Variants in FCHSD2 observed in about 807,000 individuals in gnomAD.
FCHSD2 encodes the protein FCH and double SH3 domains 2.
A neutral mutation model predicts 108.1 loss-of-function variants in FCHSD2; 38 were observed. The ratio of observed to expected loss-of-function variants is 0.35; its 90% CI spans 0.27 to 0.46. The LOEUF is 0.46. FCHSD2 is among the 20% of genes least tolerant of loss of function. FCHSD2 has a pLI of 1.00. For missense variants in FCHSD2, 751 were observed against 897.8 expected, an observed-to-expected ratio of 0.84 and a Z score of 2.09; for synonymous variants, 279 against 314.7, an observed-to-expected ratio of 0.89 and a Z score of 1.20.
At chr11:73,139,848 A>G (rs985974637) in intron 2 of FCHSD2, among the ~76,000 whole-genome samples, 183 bp downstream of exon 2, 2 of 152,212 alleles carry the variant, frequency 1.3e-5, no homozygotes, top group Admixed American at 6.5e-5. Context: ...TAGGTCCCCC[A>G]CTGAAGGAAA....
rs781543094 is a variant in FCHSD2, at chr11:72,984,208, G to C, written c.585C>G (p.Ala195=). 6.2e-7 allele frequency: 1 copy of C among 1,613,756 alleles called. No homozygotes were observed. Among genetic ancestry groups the C allele is most frequent in the Non-Finnish European group, 8.5e-7 (1 of 1,179,752 alleles). Residue 195 remains alanine, a synonymous_variant, in exon 8 of 20, where the codon GCC becomes GCG. Transcript: ENST00000409418. ...SLQKASVKLK[A]RRSECNSKAT... is the part of the protein sequence containing the mutation. ...CTTTGGAATTACACTCAGATCGCCG[G>C]GCTTTTAACTAAAACATAGCAAAAT... is the stretch of plus-strand genomic sequence containing the variant.
chr11:72,925,587 T>C (rs190180922), intron 8 of FCHSD2, among the ~76,000 whole-genome samples: 6 of 152,298 alleles, frequency 3.9e-5, no homozygotes, highest in Admixed American at 2.0e-4. Context: ...AAGAAGGAAT[T>C]TGTTGCCACG....
intron 3 of FCHSD2, among the ~76,000 whole-genome samples, chr11:73,061,801 A>G (rs887925132): frequency 1.3e-5 from 2 of 152,222 alleles, no homozygotes. Context: ...AAAAGGCAGC[A>G]GCCCCAGTCA....
intron 5 of FCHSD2, among the ~76,000 whole-genome samples, chr11:72,993,424 A>T (rs1371403893): frequency 6.6e-6 from 1 of 152,200 alleles, no homozygotes. Flanking sequence ...TACCCAAAGG[A>T]TTATAAATCA....
intron 3 of FCHSD2, among the ~76,000 whole-genome samples, chr11:73,029,653 T>C (rs1858312910): frequency 1.3e-5 from 2 of 152,164 alleles, no homozygotes; most frequent in Admixed American, 6.5e-5. Context: ...CCTTTCCCTA[T>C]TGCTACAAGC....
intron 13 of FCHSD2, among the ~76,000 whole-genome samples, chr11:72,860,706 G>A (rs1018862755): frequency 4.6e-5 from 7 of 152,004 alleles, no homozygotes; most frequent in African/African-American, 1.7e-4. Context: ...TTAGCTGGGC[G>A]TGGTGGTGCT....
chr11:73,076,636 T>A (rs1238935489), intron 3 of FCHSD2, among the ~76,000 whole-genome samples: 1 of 152,204 alleles, frequency 6.6e-6, no homozygotes, highest in African/African-American at 2.4e-5. Context: ...CTTTGTATGT[T>A]TGCTAAAAAT....
At chr11:72,997,095 G>A (rs1857532541) in intron 5 of FCHSD2, among the ~76,000 whole-genome samples, 1 of 152,100 alleles carries the variant, frequency 6.6e-6, no homozygotes, top group Non-Finnish European at 1.5e-5. Flanking sequence ...TTCCCCTTGG[G>A]TTAACAGATG....
intron 3 of FCHSD2, among the ~76,000 whole-genome samples, chr11:73,017,690 C>T (rs1256073436): frequency 1.3e-5 from 2 of 152,104 alleles, no homozygotes; most frequent in Admixed American, 1.3e-4. Flanking sequence ...TAAATATGTA[C>T]GGTAGTTTTT....
intron 4 of FCHSD2, among the ~76,000 whole-genome samples, chr11:73,015,306 T>C (rs761965881): frequency 1.1e-4 from 16 of 152,246 alleles, no homozygotes; most frequent in Non-Finnish European, 2.4e-4. Flanking sequence ...TACAAACACA[T>C]ATATTTTTCT....
intron 2 of FCHSD2, among the ~76,000 whole-genome samples, chr11:73,133,460 A>G (rs750789471): frequency 5.3e-5 from 8 of 152,172 alleles, no homozygotes; most frequent in Non-Finnish European, 8.8e-5. Flanking sequence ...TAATGATACT[A>G]CAACCTGATG....
intron 2 of FCHSD2, among the ~76,000 whole-genome samples, chr11:73,135,922 G>A (rs753235840): frequency 3.9e-5 from 6 of 152,290 alleles, no homozygotes; most frequent in Middle Eastern, 3.4e-3. Context: ...CCAGCACTTT[G>A]GGAGGCTGAG....
At chr11:73,081,202 G>A (rs1235373662) in intron 3 of FCHSD2, among the ~76,000 whole-genome samples, 3 of 152,268 alleles carry the variant, frequency 2.0e-5, no homozygotes, top group African/African-American at 2.4e-5. Context: ...TTGGGAGGCC[G>A]AGGCAGGTGG....
chr11:73,120,469 C>A (rs982416227), intron 2 of FCHSD2, among the ~76,000 whole-genome samples: 2 of 152,172 alleles, frequency 1.3e-5, no homozygotes, highest in Non-Finnish European at 2.9e-5. Context: ...GTGGCTCACA[C>A]CCGTAATCCT....
In FCHSD2 at chr11:72,905,557, T is replaced by C. The variant is rs558364765; in HGVS notation, c.829-2919A>G. 9.2e-5 allele frequency among the ~76,000 whole-genome samples: 14 copies of C among 152,292 alleles called. No individual in the cohort carries two copies. The East Asian group carries it at 2.7e-3, about 29-fold the overall frequency. On this transcript the variant is annotated intron_variant, in intron 9 of 19. Coordinates refer to ENST00000409418, the MANE Select transcript of FCHSD2 (RefSeq NM_014824.3). ...GCACCCATCAACTCATCATTTACGT[T>C]AGGTATTTCTCCCAATGCTATCCTT...
At chr11:73,113,634 G>C (rs1174836049) in intron 2 of FCHSD2, among the ~76,000 whole-genome samples, 1 of 152,082 alleles carries the variant, frequency 6.6e-6, no homozygotes. Flanking sequence ...GAAGAGTTTG[G>C]TATTTATTGT....
chr11:72,962,431 A>G (rs1476845783), intron 8 of FCHSD2, among the ~76,000 whole-genome samples: 1 of 152,254 alleles, frequency 6.6e-6, no homozygotes, highest in African/African-American at 2.4e-5. Flanking sequence ...ATAATTTTTA[A>G]GAGTGTAAAG....
intron 3 of FCHSD2, among the ~76,000 whole-genome samples, chr11:73,053,456 A>G (rs1418156858): frequency 2.0e-5 from 3 of 152,152 alleles, no homozygotes; most frequent in Non-Finnish European, 4.4e-5. Context: ...GAATATCCTG[A>G]GCTTGCTAAA....
At chr11:73,088,354 T>C (rs1859872870) in intron 2 of FCHSD2, among the ~76,000 whole-genome samples, 1 of 152,188 alleles carries the variant, frequency 6.6e-6, no homozygotes, top group South Asian at 2.1e-4. Flanking sequence ...AGGCTATGGT[T>C]TGTGTAAGTG....
Sources: gnomAD v4.1 joint callset for allele counts (sites outside exome capture counted in the v4.1 genomes callset) on GRCh38, gnomAD v4.1.1 for gene constraint, MANE v1.5 for transcripts, NCBI Gene and HGNC (gene_info 2026-07-23, HGNC 2026-07-21) for gene names.